The following ROBO2 variants were observed in gnomAD, a reference collection of about 807,000 sequenced individuals.
The protein encoded by ROBO2 is roundabout homolog 2.
A neutral mutation model predicts 160.8 loss-of-function variants in ROBO2; 53 were observed. The ratio of observed to expected loss-of-function variants is 0.33; its 90% CI spans 0.26 to 0.41. The LOEUF (loss-of-function observed/expected upper bound fraction) is 0.41, where lower values mean the gene tolerates loss of function less well. ROBO2 is among the 10% of genes least tolerant of loss of function. ROBO2 has a pLI of 1.00. For missense variants in ROBO2, 1,577 were observed against 1,722.4 expected (o/e 0.92, Z 1.49); for synonymous variants, 664 against 611.7 (o/e 1.09, Z -1.26).
chr3:76,944,942 T>G lies in ROBO2; in HGVS notation c.110-153072T>G, dbSNP rs569244591. Among the ~76,000 whole-genome samples, 5 of 151,750 alleles carry G rather than the reference T, an allele frequency of 3.3e-5. No homozygotes were observed. The South Asian group carries it at 6.3e-4, about 19-fold the overall frequency. On this transcript the variant is annotated intron_variant, in intron 2 of 26. Coordinates refer to the ROBO2 transcript ENST00000487694. ...CTCGCTCTGTTGCCCAGGCTGGAGT[T>G]CAGTGGCGCGATCTCAGCTCACTGC... is the stretch of plus-strand genomic sequence containing the variant.
chr3:77,571,208 C>T (rs1278734439), intron 13 of ROBO2, among the ~76,000 whole-genome samples: 1 of 151,806 alleles, frequency 6.6e-6, no homozygotes, highest in Admixed American at 6.6e-5. Flanking sequence ...CAGATCAGAC[C>T]CTTAGCAGCT....
chr3:76,885,477 G>A lies in ROBO2; in HGVS notation c.110-212537G>A, dbSNP rs144874541. The stretch of plus-strand genomic sequence containing the variant: ...CCGTACAAAAATAAAGCTGTTATAC[G>A]TTTTATCATAATTTATTAATGATAG... On this transcript the variant is annotated intron_variant, in intron 2 of 26. Coordinates refer to the ROBO2 transcript ENST00000487694. Among the ~76,000 whole-genome samples the A allele has an allele frequency of 2.5e-3, 375 of 152,190 alleles. 1 individual carries two copies. Among genetic ancestry groups the A allele is most frequent in the African/African-American group, 7.8e-3 (326 of 41,538 alleles).
chr3:75,957,340 T>C (rs1159183573), intron 2 of ROBO2, among the ~76,000 whole-genome samples: 1 of 151,508 alleles, frequency 6.6e-6, no homozygotes, highest in Non-Finnish European at 1.5e-5. Flanking sequence ...CCATATCAAT[T>C]TATGAAACTC....
chr3:76,087,220 C>T (rs1289124855), intron 2 of ROBO2, among the ~76,000 whole-genome samples: 1 of 151,776 alleles, frequency 6.6e-6, no homozygotes, highest in Non-Finnish European at 1.5e-5. Context: ...GCATATTATA[C>T]TCAAACTTCA....
At chr3:76,267,531 T>G (rs185286515) in intron 2 of ROBO2, among the ~76,000 whole-genome samples, 13 of 152,306 alleles carry the variant, frequency 8.5e-5, no homozygotes, top group Admixed American at 3.3e-4. Flanking sequence ...GCAATTTAAT[T>G]ATGCTATCAA....
At chr3:77,451,434 C>G (rs938352400) in intron 2 of ROBO2, among the ~76,000 whole-genome samples, 1 of 151,926 alleles carries the variant, frequency 6.6e-6, no homozygotes, top group Non-Finnish European at 1.5e-5. Flanking sequence ...AGATCACTAC[C>G]TTTGGCTTAA....
At chr3:77,083,989 A>G (rs968706615) in intron 1 of ROBO2, among the ~76,000 whole-genome samples, 2 of 152,122 alleles carry the variant, frequency 1.3e-5, no homozygotes, top group Non-Finnish European at 2.9e-5. Context: ...TTCTCTGTGG[A>G]ATGAGTGAAT....
At chr3:76,375,460 A>G (rs1214246925) in intron 2 of ROBO2, among the ~76,000 whole-genome samples, 1 of 152,022 alleles carries the variant, frequency 6.6e-6, no homozygotes, top group East Asian at 1.9e-4. Flanking sequence ...AGCACCTTCT[A>G]TATATGAAGC....
At chr3:77,060,143 T>C (rs1007350729) in intron 1 of ROBO2, among the ~76,000 whole-genome samples, 1 of 152,220 alleles carries the variant, frequency 6.6e-6, no homozygotes. Flanking sequence ...GTTCAAATAA[T>C]GTTTTCCTGG....
chr3:77,421,316 G>A (rs768282935), intron 2 of ROBO2, among the ~76,000 whole-genome samples: 4 of 151,974 alleles, frequency 2.6e-5, no homozygotes, highest in African/African-American at 7.3e-5. Context: ...TTTACATCAC[G>A]ACAAATATCC....
chr3:77,154,558 G>T (rs1450962658), intron 2 of ROBO2, among the ~76,000 whole-genome samples: 1 of 152,102 alleles, frequency 6.6e-6, no homozygotes, highest in African/African-American at 2.4e-5. Flanking sequence ...CCAACCAAAA[G>T]GCGCATGCAC....
intron 2 of ROBO2, among the ~76,000 whole-genome samples, chr3:76,861,229 T>C (rs2070747044): frequency 6.6e-6 from 1 of 152,228 alleles, no homozygotes; most frequent in African/African-American, 2.4e-5. Flanking sequence ...GGAACTCATA[T>C]TGGGCAAACT....
chr3:77,024,352 A>G (rs1243069314), intron 2 of ROBO2, among the ~76,000 whole-genome samples: 1 of 152,332 alleles, frequency 6.6e-6, no homozygotes, highest in African/African-American at 2.4e-5. Flanking sequence ...ATTAGTTTCA[A>G]TGCAGAAACG....
At chr3:76,640,764 A>T (rs537304366) in intron 2 of ROBO2, among the ~76,000 whole-genome samples, 1 of 152,140 alleles carries the variant, frequency 6.6e-6, no homozygotes, top group East Asian at 1.9e-4. Context: ...AGAAGTGGTT[A>T]ATTCTGGAGT....
At chr3:76,936,206 TA>T (rs373744680) in intron 2 of ROBO2, among the ~76,000 whole-genome samples, 5,075 of 148,692 alleles carry the variant, frequency 0.034, 264 homozygotes, top group African/African-American at 0.12. Context: ...ATGGTTTCAT[TA>T]AAAAAAAAAT....
chr3:77,075,208 A>G (rs1258973951), intron 1 of ROBO2, among the ~76,000 whole-genome samples: 1 of 152,192 alleles, frequency 6.6e-6, no homozygotes, highest in Non-Finnish European at 1.5e-5. Context: ...TGGGACTCAT[A>G]TCTTTCCAAC....
intron 15 of ROBO2, 107 bp downstream of exon 16, chr3:77,577,721 T>A (rs2093806339): frequency 7.5e-7 from 1 of 1,339,482 alleles, no homozygotes. Flanking sequence ...TCAGTTTAAG[T>A]GTAAAGTTTT....
chr3:77,399,986 T>C (rs558935267), intron 2 of ROBO2, among the ~76,000 whole-genome samples: 1 of 151,972 alleles, frequency 6.6e-6, no homozygotes, highest in African/African-American at 2.4e-5. Context: ...CCCAGAGAGG[T>C]ATTTTGCTGT....
chr3:76,302,623 A>G (rs1438547127), intron 2 of ROBO2, among the ~76,000 whole-genome samples: 2 of 152,106 alleles, frequency 1.3e-5, no homozygotes, highest in Non-Finnish European at 2.9e-5. Context: ...TTATATTTAC[A>G]TGCAGAAATA....
Sources: allele counts gnomAD v4.1 joint callset (sites outside exome capture counted in the v4.1 genomes callset), GRCh38; gene constraint gnomAD v4.1.1; transcripts MANE v1.5; gene names NCBI Gene and HGNC (gene_info 2026-07-23, HGNC 2026-07-21).